The following ATXN10 variants were observed in gnomAD, a reference collection of about 807,000 sequenced individuals.
ATXN10 encodes ataxin 10, also known as ataxin-10.
ATXN10 carries 28 observed loss-of-function variants against 52.9 expected under a neutral mutation model. The observed-to-expected ratio is 0.53, with a 90% CI of 0.39 to 0.73. The LOEUF (loss-of-function observed/expected upper bound fraction) is 0.73, where lower values mean the gene tolerates loss of function less well. Among genes scored for constraint, ATXN10 ranks in the 30% least tolerant of loss-of-function variants. ATXN10 has a pLI of 0.00. For missense variants in ATXN10, 565 were observed against 577.0 expected (o/e 0.98, Z 0.21); for synonymous variants, 226 against 221.5 (o/e 1.02, Z -0.18).
chr22:45,693,007 CG>C lies in ATXN10; in HGVS notation c.321del (p.Ile108LeufsTer7). The C allele has an allele frequency of 2.5e-6, 4 of 1,613,890 alleles. No homozygotes were observed. The highest frequency in any genetic ancestry group is 2.5e-6 in the Non-Finnish European group (3 of 1,179,880). ...TTTAAAAAACCCAGGAACTTGGATA[CG>C]ATTGGTGTTGCTGTTGATTTGATTC... The part of the protein sequence containing the change: ...VNQNSIRNLD[T>X]IGVAVDLILL... On this transcript the variant is annotated frameshift_variant, in exon 3 of 12. Transcript: ENST00000252934. LOFTEE classifies it high-confidence loss of function.
Position 45,774,661 on chromosome 22 carries a change from G to A in ATXN10, c.1174-32298G>A, listed in dbSNP as rs746571973. ...AAATAAAGGCAGGGGGGCTGGACGCGGTGGCTCACGCTTATAATCCTAGCA... is the reference window on the plus strand; with the variant it reads ...AAATAAAGGCAGGGGGGCTGGACGCAGTGGCTCACGCTTATAATCCTAGCA... On this transcript the variant is annotated intron_variant, in intron 9 of 11. Coordinates refer to ENST00000252934, the MANE Select transcript of ATXN10 (RefSeq NM_013236.4). The surrounding 1 kb of genome is among the most constrained non-coding windows in gnomAD (Gnocchi z 6.2). 1.3e-4 allele frequency among the ~76,000 whole-genome samples: 20 copies of A among 151,908 alleles called. No homozygotes were observed. The highest frequency in any genetic ancestry group is 2.1e-4 in the South Asian group (1 of 4,810).
chr22:45,789,189 C>T lies in ATXN10; in HGVS notation c.1174-17770C>T, dbSNP rs115879844. Among the ~76,000 whole-genome samples, 1 of 152,298 alleles carries T rather than the reference C, an allele frequency of 6.6e-6. No homozygotes were observed. The highest frequency in any genetic ancestry group is 2.4e-5 in the African/African-American group (1 of 41,546). On this transcript the variant is annotated intron_variant, in intron 9 of 11. Coordinates refer to ENST00000252934, the MANE Select transcript of ATXN10 (RefSeq NM_013236.4). This position sits in a 1 kb window ranked among gnomAD's most constrained non-coding sequence, Gnocchi z 4.0. ...AAAACAGTCTTTGGCCACTCTCAATCTCTAGTAGATCATCTTAATTATTTA... is the reference window on the plus strand; with the variant it reads ...AAAACAGTCTTTGGCCACTCTCAATTTCTAGTAGATCATCTTAATTATTTA...
Position 45,732,330 on chromosome 22 carries a change from G to T in ATXN10, c.894+2740G>T, listed in dbSNP as rs1925120889. Among the ~76,000 whole-genome samples the T allele has an allele frequency of 6.6e-6, 1 of 151,902 alleles. No individual in the cohort carries two copies. Among genetic ancestry groups the T allele is most frequent in the South Asian group, 2.1e-4 (1 of 4,822 alleles). The stretch of plus-strand genomic sequence containing the variant: ...AAGAATTAGCTGGGTGTGGTGGTGT[G>T]TGCCTGTGTTCCTAGCCACCGGTGA... On this transcript the variant is annotated intron_variant, in intron 7 of 11. Transcript: ENST00000252934. This position sits in a 1 kb window ranked among gnomAD's most constrained non-coding sequence, Gnocchi z 4.5.
intron 7 of ATXN10, among the ~76,000 whole-genome samples, chr22:45,735,764 T>TC (rs1925268584): frequency 6.6e-6 from 1 of 151,458 alleles, no homozygotes; most frequent in Admixed American, 6.6e-5. Flanking sequence ...AATCTTTTTT[T>TC]TTTTGCTCAC....
At chr22:45,771,491 A>C (rs1056962195) in intron 9 of ATXN10, among the ~76,000 whole-genome samples, 1 of 146,620 alleles carries the variant, frequency 6.8e-6, no homozygotes, top group East Asian at 2.0e-4. Flanking sequence ...ATCTTGGCTC[A>C]CTACAACCTC....
intron 9 of ATXN10, among the ~76,000 whole-genome samples, chr22:45,804,917 C>A (rs1268767066): frequency 6.6e-6 from 1 of 152,144 alleles, no homozygotes; most frequent in Non-Finnish European, 1.5e-5. Flanking sequence ...TTATCACACA[C>A]AAGATTCTCA....
At chr22:45,771,326 A>G (rs573986542) in intron 9 of ATXN10, among the ~76,000 whole-genome samples, 1 of 151,730 alleles carries the variant, frequency 6.6e-6, no homozygotes, top group South Asian at 2.1e-4. Context: ...GTGTAGTGGT[A>G]TCTCATTTTG....
At chr22:45,723,307 G>A (rs1489599090) in intron 6 of ATXN10, among the ~76,000 whole-genome samples, 1 of 151,648 alleles carries the variant, frequency 6.6e-6, no homozygotes. Context: ...ATAGTGGTGT[G>A]GTTTTGGTCA....
At position 45,795,415 on chromosome 22, in the gene ATXN10, A is replaced by ATTCTATTCTATTGTT. The variant is rs747787715; in HGVS notation, c.1174-11535_1174-11534insATTGTTTTCTATTCT. Among the ~76,000 whole-genome samples, 2,053 of 134,194 alleles carry ATTCTATTCTATTGTT rather than the reference A, an allele frequency of 0.015. 27 individuals carry two copies. The highest frequency in any genetic ancestry group is 0.022 in the Non-Finnish European group (1,367 of 61,372). The allele number at this position is 134,194 out of a possible 152,430, so 88.0% of individuals were successfully genotyped here. ...ATTCTATTCTATTCTATTCTATTCT[A>ATTCTATTCTATTGTT]TTCTATTCTTTTTGAGATGAAGTCT... On this transcript the variant is annotated intron_variant, in intron 9 of 11. Transcript: ENST00000252934. The surrounding 1 kb of genome is among the most constrained non-coding windows in gnomAD (Gnocchi z 4.6).
In ATXN10 at chr22:45,841,480, T is replaced by A. The variant is rs759307371; in HGVS notation, c.1238-1511T>A. Among the ~76,000 whole-genome samples, 5 of 152,186 alleles carry A rather than the reference T, an allele frequency of 3.3e-5. No individual in the cohort carries two copies. The highest frequency in any genetic ancestry group is 7.3e-5 in the Non-Finnish European group (5 of 68,044). On this transcript the variant is annotated intron_variant, in intron 10 of 11. Transcript: ENST00000252934. This position sits in a 1 kb window ranked among gnomAD's most constrained non-coding sequence, Gnocchi z 5.1. ...GGCCCCAGGAACACACGACCACAGC[T>A]GTGGAGGAGCTGGGAGACACAGGCC...
chr22:45,775,314 G>A lies in ATXN10; in HGVS notation c.1174-31645G>A, dbSNP rs534248845. Among the ~76,000 whole-genome samples, 1 of 152,136 alleles carries A rather than the reference G, an allele frequency of 6.6e-6. No homozygotes were observed. Among genetic ancestry groups the A allele is most frequent in the Non-Finnish European group, 1.5e-5 (1 of 68,022 alleles). On this transcript the variant is annotated intron_variant, in intron 9 of 11. Coordinates refer to ENST00000252934, the MANE Select transcript of ATXN10 (RefSeq NM_013236.4). This position sits in a 1 kb window ranked among gnomAD's most constrained non-coding sequence, Gnocchi z 4.7. Reference sequence around the variant, plus strand: ...TGTTCACATCTGGACCTCAACATAGGGCCTGTTAGCTGAGGTGCACCCTCT... The same window carrying A: ...TGTTCACATCTGGACCTCAACATAGAGCCTGTTAGCTGAGGTGCACCCTCT...
In ATXN10 at chr22:45,840,344, A is replaced by G. The variant is rs1929305526; in HGVS notation, c.1238-2647A>G. Among the ~76,000 whole-genome samples, 1 of 149,560 alleles carries G rather than the reference A, an allele frequency of 6.7e-6. No homozygotes were observed. On this transcript the variant is annotated intron_variant, in intron 10 of 11. Coordinates refer to ENST00000252934, the MANE Select transcript of ATXN10 (RefSeq NM_013236.4). This position sits in a 1 kb window ranked among gnomAD's most constrained non-coding sequence, Gnocchi z 5.8. Reference sequence around the variant, plus strand: ...ATGAGAACTGTTAAAAAAGAGAGAGAGAATGCATTGGAAACAGACAGCAGG... The same window carrying G: ...ATGAGAACTGTTAAAAAAGAGAGAGGGAATGCATTGGAAACAGACAGCAGG...
At position 45,708,656 on chromosome 22, in the gene ATXN10, T is replaced by C. The variant is rs1397469914; in HGVS notation, c.647+5809T>C. 6.6e-6 allele frequency among the ~76,000 whole-genome samples: 1 copy of C among 152,250 alleles called. No individual in the cohort carries two copies. The highest frequency in any genetic ancestry group is 1.5e-5 in the Non-Finnish European group (1 of 68,046). On this transcript the variant is annotated intron_variant, in intron 5 of 11. Transcript: ENST00000252934. The surrounding 1 kb of genome is among the most constrained non-coding windows in gnomAD (Gnocchi z 5.3). The stretch of plus-strand genomic sequence containing the variant: ...CTCTTTTGGTGTAAACTTTTTCTTT[T>C]TGAGACAGAGTCTCACTCTGTTGCC...
At chr22:45,689,627 A>T in intron 1 of ATXN10, 85 bp from the exon 2 acceptor site, 1 of 1,191,938 alleles carries the variant, frequency 8.4e-7, no homozygotes, top group South Asian at 1.2e-5. Flanking sequence ...TCCCCACAAT[A>T]GTAGATAAAA....
At chr22:45,717,639 T>G (rs1315595242) in intron 5 of ATXN10, among the ~76,000 whole-genome samples, 1 of 152,198 alleles carries the variant, frequency 6.6e-6, no homozygotes, top group Non-Finnish European at 1.5e-5. Flanking sequence ...ATATGCTTCA[T>G]TTGGTTATCA....
At chr22:45,706,633 A>G (rs1817577910) in intron 5 of ATXN10, among the ~76,000 whole-genome samples, 3 of 145,856 alleles carry the variant, frequency 2.1e-5, no homozygotes, top group African/African-American at 7.6e-5. Context: ...ATTTCAAATT[A>G]TAGTCCAATT....
chr22:45,760,239 G>A (rs1320369976), intron 9 of ATXN10, among the ~76,000 whole-genome samples: 1 of 152,142 alleles, frequency 6.6e-6, no homozygotes, highest in Non-Finnish European at 1.5e-5. Flanking sequence ...TGTGCTTTTA[G>A]TCAGGTTTCC....
At chr22:45,706,481 T>C (rs1362417509) in intron 5 of ATXN10, among the ~76,000 whole-genome samples, 1 of 152,214 alleles carries the variant, frequency 6.6e-6, no homozygotes, top group Non-Finnish European at 1.5e-5. Flanking sequence ...TTTCTCAAGA[T>C]GGAAGGTTAG....
At position 45,762,161 on chromosome 22, in the gene ATXN10, A is replaced by G. The variant is rs958124671; in HGVS notation, c.1173+21623A>G. On this transcript the variant is annotated intron_variant, in intron 9 of 11. Coordinates refer to ENST00000252934, the MANE Select transcript of ATXN10 (RefSeq NM_013236.4). This position sits in a 1 kb window ranked among gnomAD's most constrained non-coding sequence, Gnocchi z 4.3. ...AAGTGAAAAGCTTGACATTACAGGT[A>G]GAAAGGAAGTCAGTCTCTGTCCCCT... is the stretch of plus-strand genomic sequence containing the variant. 5.3e-5 allele frequency among the ~76,000 whole-genome samples: 8 copies of G among 152,344 alleles called. No individual in the cohort carries two copies. The highest frequency in any genetic ancestry group is 1.7e-4 in the African/African-American group (7 of 41,580).
Sources: gnomAD v4.1 joint callset for allele counts (sites outside exome capture counted in the v4.1 genomes callset) on GRCh38, gnomAD v4.1.1 for gene constraint, Gnocchi (gnomAD v3.1) non-coding constraint, MANE v1.5 for transcripts, NCBI Gene and HGNC (gene_info 2026-07-23, HGNC 2026-07-21) for gene names.